WDR17: variants seen among roughly 807,000 people sequenced by gnomAD.
WDR17 encodes the protein WD repeat-containing protein 17.
WDR17 carries 143 observed loss-of-function variants against 161.7 expected under a neutral mutation model. The observed-to-expected ratio is 0.88, with a 90% CI of 0.77 to 1.02. The LOEUF (loss-of-function observed/expected upper bound fraction) is 1.02, where lower values mean the gene tolerates loss of function less well. WDR17 is among the 50% of genes least tolerant of loss of function. WDR17 has a pLI of 0.00. For missense variants in WDR17, 1,469 were observed against 1,520.9 expected (o/e 0.97, Z 0.57); for synonymous variants, 517 against 515.6 (o/e 1.00, Z -0.04).
At chr4:176,139,469 A>G (rs1171208291) in intron 9 of WDR17, among the ~76,000 whole-genome samples, 1 of 151,940 alleles carries the variant, frequency 6.6e-6, no homozygotes, top group Non-Finnish European at 1.5e-5. Context: ...GAAACAACCA[A>G]TAATAACTGC....
chr4:176,109,491 CT>C (rs1481258525), intron 1 of WDR17, among the ~76,000 whole-genome samples: 1 of 152,040 alleles, frequency 6.6e-6, no homozygotes, highest in African/African-American at 2.4e-5. Context: ...AATTTATTTA[CT>C]TTTTTTCCTA....
chr4:176,156,584 G>A (rs1400035977), intron 18 of WDR17, among the ~76,000 whole-genome samples: 3 of 151,670 alleles, frequency 2.0e-5, no homozygotes, highest in African/African-American at 7.3e-5. Flanking sequence ...AGAAGGGTCT[G>A]ACCACTGAGG....
chr4:176,151,372 A>T (rs1747078254), intron 16 of WDR17, among the ~76,000 whole-genome samples: 1 of 152,008 alleles, frequency 6.6e-6, no homozygotes, highest in Admixed American at 6.6e-5. Context: ...ATGGGGTTCA[A>T]TCTCTCCCCT....
chr4:176,133,953 T>A (rs13328025), intron 7 of WDR17, among the ~76,000 whole-genome samples: 38,553 of 151,542 alleles, frequency 0.25, 5,074 homozygotes, highest in African/African-American at 0.3. Context: ...GTGAATTTTC[T>A]TATTTCAAAA....
At chr4:176,145,566 C>CTAAG (rs1746029357) in intron 11 of WDR17, among the ~76,000 whole-genome samples, 1 of 152,152 alleles carries the variant, frequency 6.6e-6, no homozygotes, top group South Asian at 2.1e-4. Context: ...AACAAATGGG[C>CTAAG]TAAGGCATGT....
intron 6 of WDR17, 86 bp from the exon 7 acceptor site, chr4:176,131,468 T>G: frequency 1.5e-6 from 2 of 1,332,458 alleles, no homozygotes; most frequent in Non-Finnish European, 2.0e-6. Flanking sequence ...CTGGTACAGA[T>G]TCTGGATTTT....
chr4:176,164,304 G>A (rs1320455593), intron 22 of WDR17, among the ~76,000 whole-genome samples: 1 of 152,028 alleles, frequency 6.6e-6, no homozygotes, highest in Non-Finnish European at 1.5e-5. Context: ...GACTACTTGG[G>A]GTGAGCATCC....
rs556857820 is a variant in WDR17 at position 176,155,304 on chromosome 4, A to G, written c.2461-775A>G. Among the ~76,000 whole-genome samples the G allele has an allele frequency of 2.6e-5, 4 of 151,926 alleles. No homozygotes were observed. In the South Asian group the frequency reaches 8.3e-4, roughly 32 times the overall value. On this transcript the variant is annotated intron_variant, in intron 17 of 28. Coordinates refer to ENST00000508596, the MANE Select transcript of WDR17 (RefSeq NM_181265.4). ...TTTTCCCTAAATAATAGAATTTTAC[A>G]TATTTTATTTTAAAATATTTTAATA...
chr4:176,145,046 C>G (rs1292192729), intron 11 of WDR17, among the ~76,000 whole-genome samples: 1 of 152,144 alleles, frequency 6.6e-6, no homozygotes, highest in Admixed American at 6.6e-5. Context: ...TACATGTGGG[C>G]TTAAATAAAT....
At chr4:176,107,458 G>T (rs912624066) in intron 1 of WDR17, among the ~76,000 whole-genome samples, 3 of 149,524 alleles carry the variant, frequency 2.0e-5, no homozygotes, top group African/African-American at 7.5e-5. Flanking sequence ...TGAAAGCAGG[G>T]TGTGGAAGAG....
chr4:176,137,584 G>T lies in WDR17; in HGVS notation c.1332G>T (p.Lys444Asn). 1.3e-6 allele frequency: 2 copies of T among 1,595,962 alleles called. No individual in the cohort carries two copies. Among genetic ancestry groups the T allele is most frequent in the South Asian group, 1.1e-5 (1 of 88,030 alleles). Reference sequence around the variant, plus strand: ...GTGCTTTTATTTGGAATGTTCAAAAGGGCAAAATTATACAACGATTTAATG... The same window carrying T: ...GTGCTTTTATTTGGAATGTTCAAAATGGCAAAATTATACAACGATTTAATG... ...RNGAFIWNVQ[K>N]GKIIQRFNEH... The change falls in exon 9 of 29, where the codon AAG becomes AAT. Residue 444 changes from lysine (K) to asparagine (N), a missense_variant. Coordinates refer to ENST00000508596, the MANE Select transcript of WDR17 (RefSeq NM_181265.4).
chr4:176,151,158 T>C (rs1747044807), intron 16 of WDR17, among the ~76,000 whole-genome samples: 1 of 152,190 alleles, frequency 6.6e-6, no homozygotes, highest in South Asian at 2.1e-4. Context: ...GTTTTTTCCA[T>C]GAAGAGGAAG....
At chr4:176,123,950 C>T (rs1016432938) in intron 4 of WDR17, among the ~76,000 whole-genome samples, 5 of 152,140 alleles carry the variant, frequency 3.3e-5, no homozygotes, top group Admixed American at 2.6e-4. Flanking sequence ...AACTCATTAG[C>T]ATACAAAAAG....
chr4:176,141,745 T>A (rs1171339803), intron 10 of WDR17, among the ~76,000 whole-genome samples: 1 of 152,218 alleles, frequency 6.6e-6, no homozygotes, highest in Non-Finnish European at 1.5e-5. Flanking sequence ...GAAAATAGTT[T>A]TTAAATCAAA....
chr4:176,109,651 G>A (rs1036005991), intron 1 of WDR17, among the ~76,000 whole-genome samples: 2 of 152,152 alleles, frequency 1.3e-5, no homozygotes, highest in Admixed American at 6.5e-5. Context: ...ACGTAGTTTC[G>A]TAAATAAATA....
At chr4:176,162,717 A>G (rs912695498) in intron 21 of WDR17, among the ~76,000 whole-genome samples, 8 of 152,196 alleles carry the variant, frequency 5.3e-5, no homozygotes, top group African/African-American at 1.9e-4. Context: ...CATTAATTTA[A>G]TAAGGAAAAT....
intron 2 of WDR17, among the ~76,000 whole-genome samples, chr4:176,113,738 G>A (rs968154902): frequency 1.3e-5 from 2 of 151,972 alleles, no homozygotes; most frequent in East Asian, 3.8e-4. Flanking sequence ...TAGTGCCAAT[G>A]TGTAGTCAAA....
At chr4:176,118,681 A>T (rs750404313) in intron 3 of WDR17, among the ~76,000 whole-genome samples, 1 of 152,120 alleles carries the variant, frequency 6.6e-6, no homozygotes, top group Non-Finnish European at 1.5e-5. Context: ...GTATAATTCA[A>T]ATCTAATTTC....
chr4:176,151,788 A>G (rs754521151), intron 16 of WDR17, 24 bp from the exon 17 acceptor site: 1 of 1,541,864 alleles, frequency 6.5e-7, no homozygotes, highest in Non-Finnish European at 8.7e-7. Context: ...ATTTTTTTAA[A>G]TTCTATTTTC....
Sources: allele counts gnomAD v4.1 joint callset (sites outside exome capture counted in the v4.1 genomes callset), GRCh38; gene constraint gnomAD v4.1.1; transcripts MANE v1.5; gene names NCBI Gene and HGNC (gene_info 2026-07-23, HGNC 2026-07-21).